The following SCN7A variants were observed in gnomAD, a reference collection of about 807,000 sequenced individuals.
SCN7A encodes the protein sodium voltage-gated channel alpha subunit 7.
A neutral mutation model predicts 155.2 loss-of-function variants in SCN7A; 138 were observed. The ratio of observed to expected loss-of-function variants is 0.89; its 90% CI spans 0.77 to 1.02. SCN7A has a LOEUF of 1.02. Ranked by LOEUF, SCN7A falls within the 50% of genes least tolerant of loss-of-function variation. The pLI is 0.00. For missense variants in SCN7A, 2,058 were observed against 1,986.6 expected (o/e 1.04, Z -0.68); for synonymous variants, 693 against 649.0 (o/e 1.07, Z -1.03).
At chr2:166,414,010 C>T (rs539458505) in intron 21 of SCN7A, among the ~76,000 whole-genome samples, 8,092 of 44,278 alleles carry the variant, frequency 0.18, 941 homozygotes, top group South Asian at 0.22. Context: ...TATAAATATA[C>T]TATATATATG....
chr2:166,404,599 A>T lies in SCN7A; in HGVS notation c.*981T>A, dbSNP rs1701025326. 6.6e-6 allele frequency: 1 copy of T among 151,790 alleles called. No homozygotes were observed. The highest frequency in any genetic ancestry group is 1.5e-5 in the Non-Finnish European group (1 of 67,874). The allele number at this position is 151,790 out of a possible 1,614,324, so 9.4% of individuals were successfully genotyped here. On this transcript the variant is annotated 3_prime_UTR_variant, in exon 26 of 26. Coordinates refer to ENST00000643258, the MANE Select transcript of SCN7A (RefSeq NM_002976.4). ...TGCCACAACTTTCCAATTAAGGGCC[A>T]AGACACTATGAGAATCCCTATACAT...
chr2:166,420,693 G>A (rs1701492414), intron 20 of SCN7A, among the ~76,000 whole-genome samples: 2 of 151,944 alleles, frequency 1.3e-5, no homozygotes, highest in Non-Finnish European at 2.9e-5. Context: ...GTTTTAACAT[G>A]TGAGTGATGA....
intron 7 of SCN7A, among the ~76,000 whole-genome samples, 158 bp downstream of exon 7, chr2:166,470,457 T>C (rs188741074): frequency 4.1e-4 from 62 of 151,984 alleles, no homozygotes; most frequent in Non-Finnish European, 3.5e-4. Context: ...TTTCTTCTCT[T>C]TCCTGGAGTG....
chr2:166,433,949 T>A (rs1701784837), intron 15 of SCN7A, among the ~76,000 whole-genome samples: 1 of 152,170 alleles, frequency 6.6e-6, no homozygotes, highest in Non-Finnish European at 1.5e-5. Flanking sequence ...AGAAGTATGA[T>A]CAAGTACTGA....
At chr2:166,425,307 G>A (rs1701600258) in intron 18 of SCN7A, among the ~76,000 whole-genome samples, 1 of 152,100 alleles carries the variant, frequency 6.6e-6, no homozygotes, top group Non-Finnish European at 1.5e-5. Flanking sequence ...TACTAAGACT[G>A]CTAAGGAAGG....
At chr2:166,427,510 C>T (rs140017934) in intron 18 of SCN7A, among the ~76,000 whole-genome samples, 1 of 152,096 alleles carries the variant, frequency 6.6e-6, no homozygotes, top group East Asian at 1.9e-4. Context: ...TATCTATTCA[C>T]ATTCCATTTC....
intron 25 of SCN7A, among the ~76,000 whole-genome samples, chr2:166,407,173 T>C (rs1015550050): frequency 1.3e-5 from 2 of 152,026 alleles, no homozygotes; most frequent in African/African-American, 4.8e-5. Flanking sequence ...ATTCAGTGAT[T>C]CATAGATTGT....
intron 2 of SCN7A, among the ~76,000 whole-genome samples, chr2:166,481,346 AC>A (rs1295123782): frequency 6.6e-6 from 1 of 152,216 alleles, no homozygotes; most frequent in Non-Finnish European, 1.5e-5. Flanking sequence ...GGCACATAAT[AC>A]ATGGAAAATA....
At chr2:166,473,186 T>TAAAA (rs545483555) in intron 5 of SCN7A, among the ~76,000 whole-genome samples, 2 of 143,618 alleles carry the variant, frequency 1.4e-5, no homozygotes, top group Non-Finnish European at 3.1e-5. Flanking sequence ...AAACAAAAAG[T>TAAAA]AAAAAAAAAA....
At chr2:166,452,452 T>C (rs1294970286) in intron 11 of SCN7A, among the ~76,000 whole-genome samples, 1 of 152,140 alleles carries the variant, frequency 6.6e-6, no homozygotes, top group Non-Finnish European at 1.5e-5. Context: ...TTTGATAGTC[T>C]ATCTATCCAT....
intron 25 of SCN7A, among the ~76,000 whole-genome samples, chr2:166,409,288 G>C (rs975776063): frequency 6.6e-6 from 1 of 151,978 alleles, no homozygotes; most frequent in Non-Finnish European, 1.5e-5. Context: ...TTAGAGATTA[G>C]AGGGAAGGAA....
At chr2:166,417,535 T>A (rs576050303) in intron 20 of SCN7A, among the ~76,000 whole-genome samples, 4 of 152,008 alleles carry the variant, frequency 2.6e-5, no homozygotes, top group Non-Finnish European at 4.4e-5. Flanking sequence ...TAAAAAATCA[T>A]TAAATGGCAA....
intron 15 of SCN7A, among the ~76,000 whole-genome samples, chr2:166,433,333 T>G (rs1701773351): frequency 6.6e-6 from 1 of 152,092 alleles, no homozygotes; most frequent in African/African-American, 2.4e-5. Context: ...TACATTAACT[T>G]AAAAAATAAA....
chr2:166,431,887 AT>A (rs1412853426), intron 16 of SCN7A, among the ~76,000 whole-genome samples: 1 of 152,076 alleles, frequency 6.6e-6, no homozygotes, highest in Non-Finnish European at 1.5e-5. Flanking sequence ...CCATTTTAAG[AT>A]TATAAAGCCC....
At position 166,405,556 on chromosome 2, in the gene SCN7A, T is replaced by C. The variant is rs777260654; in HGVS notation, c.*24A>G. ...AACATTTTTCAGATATGTGAAGAAA[T>C]ATGAAAAGAGGTGGTAAGTGGTATT... On this transcript the variant is annotated 3_prime_UTR_variant, in exon 26 of 26. Transcript: ENST00000643258. 89 of 1,465,820 alleles carry C rather than the reference T, an allele frequency of 6.1e-5. No individual in the cohort carries two copies. The Middle Eastern group carries it at 1.0e-3, about 17-fold the overall frequency. The allele number at this position is 1,465,820 out of a possible 1,614,324, so 90.8% of individuals were successfully genotyped here.
intron 20 of SCN7A, among the ~76,000 whole-genome samples, chr2:166,420,655 T>C (rs1701491805): frequency 6.6e-6 from 1 of 152,034 alleles, no homozygotes; most frequent in South Asian, 2.1e-4. Flanking sequence ...ATTCAATCTA[T>C]TAATTTTCTT....
intron 9 of SCN7A, among the ~76,000 whole-genome samples, chr2:166,463,516 G>A (rs2105480074): frequency 6.6e-6 from 1 of 152,318 alleles, no homozygotes. Context: ...AGCCAAGTAT[G>A]ACTGCTGCAG....
intron 2 of SCN7A, among the ~76,000 whole-genome samples, chr2:166,484,395 C>A (rs58234218): frequency 0.29 from 43,773 of 151,214 alleles, 6,785 homozygotes; most frequent in Non-Finnish European, 0.35. Context: ...ATTTATGTAC[C>A]TATGAGTGTG....
At chr2:166,462,646 G>C (rs1258238907) in intron 9 of SCN7A, 116 bp from the exon 10 acceptor site, 2 of 859,070 alleles carry the variant, frequency 2.3e-6, no homozygotes, top group Non-Finnish European at 1.7e-6. Flanking sequence ...TCCACAGGGA[G>C]AGTAATGTCT....
Sources: gnomAD v4.1 joint callset for allele counts (sites outside exome capture counted in the v4.1 genomes callset) on GRCh38, gnomAD v4.1.1 for gene constraint, MANE v1.5 for transcripts, NCBI Gene and HGNC (gene_info 2026-07-23, HGNC 2026-07-21) for gene names.